CLRN2: variants seen among roughly 807,000 people sequenced by gnomAD.
CLRN2 encodes clarin-2.
CLRN2 carries 17 observed loss-of-function variants against 20.1 expected under a neutral mutation model. The ratio of observed to expected loss-of-function variants is 0.85; its 90% CI spans 0.58 to 1.27. The LOEUF is 1.27. Ranked by LOEUF, CLRN2 falls within the 50% of genes most tolerant of loss-of-function variation. The pLI is 0.00. For missense variants in CLRN2, 288 were observed against 299.5 expected, an observed-to-expected ratio of 0.96 and a Z score of 0.28; for synonymous variants, 140 against 126.9, an observed-to-expected ratio of 1.10 and a Z score of -0.70.
At chr4:17,521,564 C>T (rs1711838154) in intron 1 of CLRN2, among the ~76,000 whole-genome samples, 1 of 152,154 alleles carries the variant, frequency 6.6e-6, no homozygotes, top group Admixed American at 6.5e-5. Context: ...CAGTTGTGAA[C>T]AACAGTTCTC....
chr4:17,518,230 A>G (rs1711730828), intron 1 of CLRN2, among the ~76,000 whole-genome samples: 1 of 152,198 alleles, frequency 6.6e-6, no homozygotes, highest in Admixed American at 6.5e-5. Flanking sequence ...ATAAATTCCC[A>G]CGCCAATCAT....
chr4:17,523,016 G>A lies in CLRN2; in HGVS notation c.406G>A (p.Gly136Ser), dbSNP rs771466558. 8.7e-6 allele frequency: 14 copies of A among 1,613,140 alleles called. No homozygotes were observed. The Admixed American group carries it at 2.0e-4, about 23-fold the overall frequency. Residue 136 changes from glycine to serine, a missense_variant, in exon 2 of 3, where the codon GGC becomes AGC. Gly to Ser is a moderately conservative substitution (Grantham distance 56). Coordinates refer to ENST00000511148, the MANE Select transcript of CLRN2 (RefSeq NM_001079827.2). ...VPYRAVSGPG[G>S]ICLWNVLAGG... ...GTACCGGGCAGTCAGCGGTCCTGGG[G>A]GCATCTGCCTATGGAATGTCCTGGC...
chr4:17,523,342 G>A (rs1438405046), intron 2 of CLRN2, among the ~76,000 whole-genome samples: 1 of 151,784 alleles, frequency 6.6e-6, no homozygotes, highest in Non-Finnish European at 1.5e-5. Flanking sequence ...AGGCCCCCAA[G>A]TAGCTGGGAG....
chr4:17,520,887 G>A (rs960212348), intron 1 of CLRN2, among the ~76,000 whole-genome samples: 16 of 152,086 alleles, frequency 1.1e-4, no homozygotes, highest in African/African-American at 3.4e-4. Flanking sequence ...GCATGGAGGC[G>A]GGTGCCTGTA....
chr4:17,522,902 CATGTGATG>C lies in CLRN2; in HGVS notation c.295_302del (p.Val99SerfsTer21). 1.9e-6 allele frequency: 3 copies of C among 1,614,004 alleles called. No individual in the cohort carries two copies. Among genetic ancestry groups the C allele is most frequent in the Non-Finnish European group, 2.5e-6 (3 of 1,179,890 alleles). Reference sequence around the variant, plus strand: ...GGTGAAGGAGCTCAACGCAGGCCTTCATGTGATGATTCTGCTGCTCCTCTTCCTGGCCT... The same window carrying C: ...GGTGAAGGAGCTCAACGCAGGCCTTCATTCTGCTGCTCCTCTTCCTGGCCT... On this transcript the variant is annotated frameshift_variant, in exon 2 of 3. Transcript: ENST00000511148. LOFTEE classifies it high-confidence loss of function.
intron 1 of CLRN2, among the ~76,000 whole-genome samples, chr4:17,520,611 A>T (rs148106533): frequency 6.6e-6 from 1 of 152,232 alleles, no homozygotes; most frequent in Non-Finnish European, 1.5e-5. Flanking sequence ...TTTAGCAAAC[A>T]TTTTGATCTT....
chr4:17,520,050 C>A (rs1711798212), intron 1 of CLRN2, among the ~76,000 whole-genome samples: 2 of 152,090 alleles, frequency 1.3e-5, no homozygotes, highest in Admixed American at 1.3e-4. Flanking sequence ...ATAATAAAAT[C>A]TCTATTAAAC....
In CLRN2 at chr4:17,522,880, G is replaced by A; in HGVS notation, c.270G>A (p.Val90=). 6.2e-7 allele frequency: 1 copy of A among 1,613,814 alleles called. No individual in the cohort carries two copies. The change falls in exon 2 of 3, where the codon GTG becomes GTA. Residue 90 remains valine (V), a synonymous_variant. Coordinates refer to ENST00000511148, the MANE Select transcript of CLRN2 (RefSeq NM_001079827.2). ...TCTCCCCAGTCTTCCCACACCTGGT[G>A]AAGGAGCTCAACGCAGGCCTTCATG... The part of the protein sequence containing the change: ...QSQFTIFPHL[V]KELNAGLHVM...
Position 17,526,877 on chromosome 4 carries a change from C to G in CLRN2, c.494C>G (p.Thr165Arg). ...GCTGCGGTGAAATTTCACGACCTGA[C>G]GGAACGAATCGCCAACTTTCAGGAG... ...FVAAVKFHDL[T>R]ERIANFQEKL... Residue 165 changes from threonine (T) to arginine (R), a missense_variant, in exon 3 of 3, where the codon ACG becomes AGG. Physicochemically the swap from Thr to Arg is moderately conservative, Grantham distance 71 (BLOSUM62 -1). Coordinates refer to ENST00000511148, the MANE Select transcript of CLRN2 (RefSeq NM_001079827.2). 1 of 1,613,974 alleles carries G rather than the reference C, an allele frequency of 6.2e-7. No homozygotes were observed. Among genetic ancestry groups the G allele is most frequent in the Non-Finnish European group, 8.5e-7 (1 of 1,179,888 alleles).
intron 2 of CLRN2, among the ~76,000 whole-genome samples, chr4:17,524,204 A>ATGTGTGTGTG (rs10527873): frequency 0.11 from 16,933 of 148,486 alleles, 1,135 homozygotes; most frequent in East Asian, 0.19. Context: ...AAACTACAAG[A>ATGTGTGTGTG]TGTGTGTGTG....
intron 1 of CLRN2, 38 bp from the exon 2 acceptor site, chr4:17,522,826 T>C: frequency 6.3e-7 from 1 of 1,599,242 alleles, no homozygotes; most frequent in Non-Finnish European, 8.5e-7. Flanking sequence ...TGAGTCTAAC[T>C]CTGACATTGA....
intron 2 of CLRN2, 147 bp from the exon 3 acceptor site, chr4:17,526,670 T>A: frequency 1.2e-6 from 1 of 868,012 alleles, no homozygotes; most frequent in Non-Finnish European, 1.8e-6. Context: ...GTGGGTTATC[T>A]CCTACTTTTA....
intron 1 of CLRN2, among the ~76,000 whole-genome samples, chr4:17,519,974 G>A (rs1711796510): frequency 1.3e-5 from 2 of 152,164 alleles, no homozygotes; most frequent in South Asian, 2.1e-4. Context: ...TCCCAGAAGT[G>A]CTGGGATTAC....
chr4:17,526,177 C>T (rs956010807), intron 2 of CLRN2, among the ~76,000 whole-genome samples: 2 of 152,174 alleles, frequency 1.3e-5, no homozygotes, highest in African/African-American at 2.4e-5. Flanking sequence ...ATAGCCTTCA[C>T]GGTCTTCATA....
intron 1 of CLRN2, among the ~76,000 whole-genome samples, chr4:17,516,690 C>T (rs1330110712): frequency 6.6e-6 from 1 of 152,090 alleles, no homozygotes; most frequent in Non-Finnish European, 1.5e-5. Flanking sequence ...GAACAAATAG[C>T]TCCATCAAAA....
At chr4:17,520,960 C>G (rs958176010) in intron 1 of CLRN2, among the ~76,000 whole-genome samples, 1 of 151,950 alleles carries the variant, frequency 6.6e-6, no homozygotes, top group Non-Finnish European at 1.5e-5. Flanking sequence ...GGAGGTTGCA[C>G]CAAGCCGAGA....
At chr4:17,517,995 G>T (rs528271301) in intron 1 of CLRN2, among the ~76,000 whole-genome samples, 5 of 151,716 alleles carry the variant, frequency 3.3e-5, no homozygotes, top group Non-Finnish European at 7.4e-5. Flanking sequence ...GGGTATATCA[G>T]AGCCTCCCAC....
chr4:17,525,373 C>T (rs932337886), intron 2 of CLRN2, among the ~76,000 whole-genome samples: 6 of 152,150 alleles, frequency 3.9e-5, no homozygotes, highest in East Asian at 1.9e-4. Flanking sequence ...CGGTGGCTCA[C>T]GCCTGTAATC....
Position 17,527,021 on chromosome 4 carries a change from T to C in CLRN2, c.638T>C (p.Leu213Pro). Residue 213 changes from leucine (L) to proline (P), a missense_variant, in exon 3 of 3, where the codon CTC becomes CCC. Physicochemically the swap from Leu to Pro is moderately conservative, Grantham distance 98. Coordinates refer to ENST00000511148, the MANE Select transcript of CLRN2 (RefSeq NM_001079827.2). ...LVVVAISQIP[L>P]PEIKTKIEEA... Reference sequence around the variant, plus strand: ...GTGGTGGCGATCAGTCAAATTCCCCTCCCTGAGATTAAGACCAAAATCGAA... The same window carrying C: ...GTGGTGGCGATCAGTCAAATTCCCCCCCCTGAGATTAAGACCAAAATCGAA... 6.2e-7 allele frequency: 1 copy of C among 1,612,668 alleles called. No individual in the cohort carries two copies. Among genetic ancestry groups the C allele is most frequent in the Non-Finnish European group, 8.5e-7 (1 of 1,179,248 alleles).
Sources: allele counts gnomAD v4.1 joint callset (sites outside exome capture counted in the v4.1 genomes callset), GRCh38; gene constraint gnomAD v4.1.1; transcripts MANE v1.5; gene names NCBI Gene and HGNC (gene_info 2026-07-23, HGNC 2026-07-21).